The following EYS variants were observed in gnomAD, a reference collection of about 807,000 sequenced individuals.
EYS encodes the protein EGF-like photoreceptor maintenance factor, also known as protein eyes shut homolog.
In EYS, 250 loss-of-function variants were observed where a neutral mutation model predicts 282.1. The ratio of observed to expected loss-of-function variants is 0.89; its 90% CI spans 0.80 to 0.98. EYS has a LOEUF of 0.98. Ranked by LOEUF, EYS falls within the 50% of genes least tolerant of loss-of-function variation. The pLI is 0.00. For missense variants in EYS, 4,016 were observed against 3,709.0 expected (o/e 1.08, Z -2.15); for synonymous variants, 1,355 against 1,282.9 (o/e 1.06, Z -1.20).
intron 30 of EYS, among the ~76,000 whole-genome samples, chr6:64,248,817 G>C (rs1038099699): frequency 6.6e-6 from 1 of 152,032 alleles, no homozygotes; most frequent in Non-Finnish European, 1.5e-5. Flanking sequence ...CACTTTGGGG[G>C]ACCAAGGCAG....
chr6:64,967,161 A>C (rs1770122418), intron 14 of EYS, among the ~76,000 whole-genome samples: 1 of 152,080 alleles, frequency 6.6e-6, no homozygotes, highest in African/African-American at 2.4e-5. Context: ...GTCTCTAACC[A>C]TACTCAGTCC....
chr6:64,489,055 A>T (rs988126438), intron 26 of EYS, among the ~76,000 whole-genome samples: 6 of 150,924 alleles, frequency 4.0e-5, no homozygotes, highest in Non-Finnish European at 8.9e-5. Flanking sequence ...GAGAAGAATG[A>T]TGAAAAAATG....
intron 12 of EYS, among the ~76,000 whole-genome samples, chr6:65,113,687 C>A (rs954364864): frequency 1.4e-5 from 2 of 146,546 alleles, no homozygotes; most frequent in African/African-American, 5.2e-5. Flanking sequence ...ATGAAAGAAA[C>A]AAACGTGGCA....
intron 13 of EYS, among the ~76,000 whole-genome samples, chr6:65,015,449 A>G (rs1208011947): frequency 6.6e-6 from 1 of 152,204 alleles, no homozygotes; most frequent in African/African-American, 2.4e-5. Flanking sequence ...CCTGGTGTGC[A>G]TTGAGGAACT....
intron 5 of EYS, among the ~76,000 whole-genome samples, chr6:65,466,499 A>T (rs1238950669): frequency 6.6e-6 from 1 of 152,140 alleles, no homozygotes; most frequent in East Asian, 1.9e-4. Flanking sequence ...GGAAAAATTA[A>T]ATTAATTCCC....
At chr6:64,898,123 C>T (rs545127890) in intron 18 of EYS, among the ~76,000 whole-genome samples, 43 of 151,904 alleles carry the variant, frequency 2.8e-4, no homozygotes, top group Non-Finnish European at 4.9e-4. Flanking sequence ...AGATACTCCT[C>T]GAGAAAAGCA....
intron 30 of EYS, among the ~76,000 whole-genome samples, chr6:64,300,568 A>G (rs1216045790): frequency 2.0e-5 from 3 of 152,322 alleles, no homozygotes; most frequent in Admixed American, 6.5e-5. Flanking sequence ...GAGCCCATGA[A>G]TTAGTTGAGG....
Position 64,439,314 on chromosome 6 carries a change from C to T in EYS, c.5683G>A (p.Glu1895Lys), listed in dbSNP as rs1774857297. The T allele has an allele frequency of 6.6e-7, 1 of 1,516,686 alleles. No individual in the cohort carries two copies. The highest frequency in any genetic ancestry group is 8.8e-7 in the Non-Finnish European group (1 of 1,134,228). 94.0% of individuals were successfully genotyped at this position (1,516,686 alleles called of 1,614,324 possible). Residue 1895 changes from glutamate to lysine, a missense_variant, in exon 27 of 43, where the codon GAA becomes AAA. Coordinates refer to ENST00000503581, the MANE Select transcript of EYS (RefSeq NM_001142800.2). ...CVRYYGDSYL[E>K]FQNVALNPQN... ...GGATTTAAAGCCACATTCTGAAATT[C>T]TAGATAAGAATCTCCATAATAACGA...
At chr6:64,694,690 C>T (rs1353655425) in intron 22 of EYS, among the ~76,000 whole-genome samples, 1 of 152,166 alleles carries the variant, frequency 6.6e-6, no homozygotes, top group Non-Finnish European at 1.5e-5. Flanking sequence ...GGGGAGAAGC[C>T]TTCATAACTA....
At chr6:64,099,024 A>C (rs1466568990) in intron 31 of EYS, among the ~76,000 whole-genome samples, 1 of 152,186 alleles carries the variant, frequency 6.6e-6, no homozygotes. Context: ...CACCCAGAAA[A>C]TTAGAGAACA....
chr6:64,239,253 C>T (rs917648028), intron 30 of EYS, among the ~76,000 whole-genome samples: 1 of 152,118 alleles, frequency 6.6e-6, no homozygotes, highest in Non-Finnish European at 1.5e-5. Context: ...ATTTATAATA[C>T]TTTGGGTATA....
intron 24 of EYS, among the ~76,000 whole-genome samples, chr6:64,613,445 C>T (rs1767172940): frequency 6.6e-6 from 1 of 152,086 alleles, no homozygotes; most frequent in African/African-American, 2.4e-5. Flanking sequence ...TGGAAGTCAT[C>T]ATTCCCATCT....
intron 35 of EYS, among the ~76,000 whole-genome samples, chr6:63,966,543 A>G (rs1446090895): frequency 6.6e-6 from 1 of 152,210 alleles, no homozygotes; most frequent in Non-Finnish European, 1.5e-5. Flanking sequence ...AGCAATAGCA[A>G]CAGCATAAGA....
chr6:63,960,024 A>G (rs1208364329), intron 35 of EYS, among the ~76,000 whole-genome samples: 3 of 151,968 alleles, frequency 2.0e-5, no homozygotes, highest in Non-Finnish European at 4.4e-5. Context: ...CTAAAGTAAA[A>G]TTAAAAAAAA....
intron 22 of EYS, among the ~76,000 whole-genome samples, chr6:64,744,901 T>A (rs1388089819): frequency 6.6e-6 from 1 of 152,310 alleles, no homozygotes; most frequent in East Asian, 1.9e-4. Context: ...ATTTTTCTTC[T>A]CAGTATTGCC....
chr6:65,374,209 G>A (rs983870020), intron 8 of EYS, among the ~76,000 whole-genome samples: 2 of 152,060 alleles, frequency 1.3e-5, no homozygotes, highest in Non-Finnish European at 2.9e-5. Flanking sequence ...ATTGGGACTG[G>A]TTAGGCAGTG....
At chr6:64,456,797 C>T (rs1453400429) in intron 26 of EYS, among the ~76,000 whole-genome samples, 1 of 151,860 alleles carries the variant, frequency 6.6e-6, no homozygotes, top group African/African-American at 2.4e-5. Flanking sequence ...ACATAAAAGT[C>T]TCTCATTTCC....
chr6:64,806,097 A>G (rs1213846099), intron 22 of EYS, among the ~76,000 whole-genome samples: 1 of 151,650 alleles, frequency 6.6e-6, no homozygotes, highest in African/African-American at 2.4e-5. Context: ...TTAAATTTGA[A>G]TCTCTCCATG....
chr6:65,294,904 T>G (rs1768620517), intron 12 of EYS, among the ~76,000 whole-genome samples: 1 of 151,914 alleles, frequency 6.6e-6, no homozygotes, highest in African/African-American at 2.4e-5. Context: ...TTAGCAAGCT[T>G]ACCAGAATTT....
Sources: gnomAD v4.1 joint callset for allele counts (sites outside exome capture counted in the v4.1 genomes callset) on GRCh38, gnomAD v4.1.1 for gene constraint, MANE v1.5 for transcripts, NCBI Gene and HGNC (gene_info 2026-07-23, HGNC 2026-07-21) for gene names.